Variants in CCDC91 observed in about 807,000 individuals in gnomAD.
CCDC91 encodes coiled-coil domain-containing protein 91.
In CCDC91, 48 loss-of-function variants were observed where a neutral mutation model predicts 63.2. That is an observed-to-expected ratio of 0.76 (90% CI 0.60 to 0.97). The LOEUF is 0.97. Ranked by LOEUF, CCDC91 falls within the 50% of genes least tolerant of loss-of-function variation. The pLI, the probability that CCDC91 is intolerant of heterozygous loss-of-function variation, is 0.00. For synonymous variants in CCDC91, 167 were observed against 165.8 expected (o/e 1.01, Z -0.06); for missense variants, 500 against 494.6 (o/e 1.01, Z -0.10).
At chr12:28,191,186 G>A (rs1361289607) in intron 1 of CCDC91, 1 of 152,208 alleles carries the variant, frequency 6.6e-6, no homozygotes, top group East Asian at 1.9e-4. Context: ...CTTCGTCCCC[G>A]TTAGCACGCC....
intron 1 of CCDC91, among the ~76,000 whole-genome samples, chr12:28,208,561 A>C (rs1475685685): frequency 6.6e-6 from 1 of 152,184 alleles, no homozygotes; most frequent in Non-Finnish European, 1.5e-5. Context: ...GACCATTTTA[A>C]AGGTGAAATT....
At chr12:28,204,372 T>C (rs1942689672) in intron 1 of CCDC91, among the ~76,000 whole-genome samples, 1 of 152,196 alleles carries the variant, frequency 6.6e-6, no homozygotes, top group Non-Finnish European at 1.5e-5. Context: ...CATGCTCATA[T>C]TAGCCAGTCC....
intron 11 of CCDC91, among the ~76,000 whole-genome samples, chr12:28,481,561 A>G (rs1269217678): frequency 3.3e-5 from 5 of 152,084 alleles, no homozygotes; most frequent in Admixed American, 2.0e-4. Flanking sequence ...CCAACAAAAC[A>G]TGCAAGCAGA....
chr12:28,478,262 A>C (rs367869171), intron 11 of CCDC91, among the ~76,000 whole-genome samples: 1 of 152,174 alleles, frequency 6.6e-6, no homozygotes, highest in South Asian at 2.1e-4. Flanking sequence ...ACCAAAACAG[A>C]GATATAGACC....
chr12:28,201,287 C>T (rs3106457), intron 1 of CCDC91, among the ~76,000 whole-genome samples: 4 of 149,816 alleles, frequency 2.7e-5, no homozygotes, highest in South Asian at 2.1e-4. Context: ...GGTTGCCAGG[C>T]GGAGGGTCTC....
Position 28,522,181 on chromosome 12 carries a change from G to A in CCDC91, c.1216-26882G>A, listed in dbSNP as rs555866738. The stretch of plus-strand genomic sequence containing the variant: ...CCTCCTTGTACCTCTGGTAGAATTC[G>A]GCTGTGAATCCATCTGGTCCTGGAT... On this transcript the variant is annotated intron_variant, in intron 12 of 12. Coordinates refer to ENST00000536442, the MANE Select transcript of CCDC91 (RefSeq NM_018318.5). Among the ~76,000 whole-genome samples the A allele has an allele frequency of 1.3e-4, 20 of 152,220 alleles. No homozygotes were observed. In the South Asian group the frequency reaches 3.9e-3, roughly 30 times the overall value.
At chr12:28,475,423 T>G (rs1170364969) in intron 11 of CCDC91, among the ~76,000 whole-genome samples, 2 of 152,116 alleles carry the variant, frequency 1.3e-5, no homozygotes, top group Non-Finnish European at 2.9e-5. Context: ...TATTATGCTT[T>G]TAAGCTACAT....
intron 3 of CCDC91, 41 bp downstream of exon 3, chr12:28,259,483 C>G: frequency 1.0e-6 from 1 of 981,822 alleles, no homozygotes; most frequent in South Asian, 1.6e-5. Context: ...TTTTTTTTTT[C>G]CCATGTAACA....
At chr12:28,469,024 G>C (rs1950678392) in intron 11 of CCDC91, among the ~76,000 whole-genome samples, 1 of 151,966 alleles carries the variant, frequency 6.6e-6, no homozygotes. Context: ...CTTAGATCTG[G>C]AACACAACAG....
At chr12:28,385,864 C>A (rs1945565466) in intron 7 of CCDC91, among the ~76,000 whole-genome samples, 1 of 152,116 alleles carries the variant, frequency 6.6e-6, no homozygotes, top group South Asian at 2.1e-4. Context: ...ATACTTATGT[C>A]ATTCAAATTC....
chr12:28,501,785 C>A (rs932221605), intron 12 of CCDC91, among the ~76,000 whole-genome samples: 21 of 151,850 alleles, frequency 1.4e-4, no homozygotes, highest in African/African-American at 4.8e-4. Flanking sequence ...GGAATGGTAC[C>A]AGTTCCTCCT....
intron 1 of CCDC91, among the ~76,000 whole-genome samples, chr12:28,246,811 G>T (rs1045649182): frequency 6.6e-6 from 1 of 152,164 alleles, no homozygotes; most frequent in Non-Finnish European, 1.5e-5. Context: ...ACCTGCTGTG[G>T]TGTAAAGTGT....
In CCDC91 at chr12:28,305,736, C is replaced by A; in HGVS notation, c.197C>A (p.Ala66Asp). The stretch of plus-strand genomic sequence containing the variant: ...TCCATTGGCTGCCTCTCTTCTGATG[C>A]CATTATTTCATCACCAGAGAATACA... ...SSSIGCLSSDAIISSPENTHA... is the reference protein window; with the variant it reads ...SSSIGCLSSDDIISSPENTHA... The change falls in exon 4 of 13, where the codon GCC (alanine) becomes GAC (aspartate). Residue 66 changes from alanine to aspartate, a missense_variant. Ala to Asp is a moderately radical substitution (Grantham distance 126). Transcript: ENST00000536442. The A allele has an allele frequency of 6.2e-7, 1 of 1,612,778 alleles. No individual in the cohort carries two copies. Among genetic ancestry groups the A allele is most frequent in the Non-Finnish European group, 8.5e-7 (1 of 1,179,072 alleles).
At chr12:28,393,435 T>G (rs893895646) in intron 8 of CCDC91, among the ~76,000 whole-genome samples, 14 of 152,108 alleles carry the variant, frequency 9.2e-5, no homozygotes, top group African/African-American at 3.1e-4. Context: ...CTTTCTAAAT[T>G]TAATATGTTT....
At chr12:28,346,967 C>CAT (rs1433590545) in intron 6 of CCDC91, among the ~76,000 whole-genome samples, 3 of 152,174 alleles carry the variant, frequency 2.0e-5, no homozygotes, top group Non-Finnish European at 4.4e-5. Context: ...TAAAAGACAA[C>CAT]ACTTTGGAGA....
chr12:28,548,487 T>C (rs1319605154), intron 12 of CCDC91, among the ~76,000 whole-genome samples: 1 of 152,106 alleles, frequency 6.6e-6, no homozygotes, highest in Non-Finnish European at 1.5e-5. Flanking sequence ...GCCAGGCTGG[T>C]CGCAAACTCC....
rs368057480 is a variant in CCDC91 at position 28,402,485 on chromosome 12, C to G, written c.762+11074C>G. On this transcript the variant is annotated intron_variant, in intron 8 of 12. Coordinates refer to ENST00000536442, the MANE Select transcript of CCDC91 (RefSeq NM_018318.5). ...CTTTTTTGTATATTATCCTTGTATT[C>G]TACAAGTTTGCTGAATCACTTATTA... Among the ~76,000 whole-genome samples, 11 of 128,514 alleles carry G rather than the reference C, an allele frequency of 8.6e-5. No homozygotes were observed. In the East Asian group the frequency reaches 2.1e-3, roughly 24 times the overall value. The allele number at this position is 128,514 out of a possible 152,430, so 84.3% of individuals were successfully genotyped here. A position where few individuals can be genotyped will look rare whatever the true frequency, so the allele number is the denominator to read the frequency against.
intron 12 of CCDC91, among the ~76,000 whole-genome samples, chr12:28,494,716 C>T (rs1265878485): frequency 6.6e-6 from 1 of 151,542 alleles, no homozygotes; most frequent in Non-Finnish European, 1.5e-5. Context: ...ACTATTGTAC[C>T]TGTCATATAA....
intron 12 of CCDC91, among the ~76,000 whole-genome samples, chr12:28,523,603 T>G (rs1165355700): frequency 6.6e-6 from 1 of 152,174 alleles, no homozygotes; most frequent in Non-Finnish European, 1.5e-5. Flanking sequence ...ATGTGTGAAT[T>G]TCATCCTGTC....
Sources: allele counts gnomAD v4.1 joint callset (sites outside exome capture counted in the v4.1 genomes callset), GRCh38; gene constraint gnomAD v4.1.1; transcripts MANE v1.5; gene names NCBI Gene and HGNC (gene_info 2026-07-23, HGNC 2026-07-21).